TAFA1: variants seen among roughly 807,000 people sequenced by gnomAD.
TAFA1 encodes the protein chemokine-like protein TAFA-1.
In TAFA1, 4 loss-of-function variants were observed where a neutral mutation model predicts 18.5. That is an observed-to-expected ratio of 0.22 (90% confidence interval 0.11 to 0.49). The LOEUF is 0.49. TAFA1 is among the 20% of genes least tolerant of loss of function. The pLI, the probability that TAFA1 is intolerant of heterozygous loss-of-function variation, is 0.98. For synonymous variants in TAFA1, 56 were observed against 55.2 expected (o/e 1.01, Z -0.06); for missense variants, 147 against 169.0 (o/e 0.87, Z 0.72).
intron 3 of TAFA1, among the ~76,000 whole-genome samples, chr3:68,425,506 T>C (rs1263703383): frequency 6.6e-6 from 1 of 151,958 alleles, no homozygotes; most frequent in African/African-American, 2.4e-5. Context: ...GCATGCTTTC[T>C]GAATCTTATG....
chr3:68,087,239 C>A (rs2064981400), intron 2 of TAFA1, among the ~76,000 whole-genome samples: 3 of 151,990 alleles, frequency 2.0e-5, no homozygotes, highest in African/African-American at 7.2e-5. Context: ...GTTGAAAATG[C>A]TGGGAAATAG....
intron 2 of TAFA1, among the ~76,000 whole-genome samples, chr3:68,232,681 C>G (rs2066886147): frequency 6.6e-6 from 1 of 152,056 alleles, no homozygotes; most frequent in African/African-American, 2.4e-5. Flanking sequence ...CCATAACTCA[C>G]TGTAGTCTCA....
intron 3 of TAFA1, among the ~76,000 whole-genome samples, chr3:68,534,281 C>T (rs1438069527): frequency 6.6e-6 from 1 of 152,158 alleles, no homozygotes; most frequent in East Asian, 1.9e-4. Flanking sequence ...ACAGGACCAC[C>T]TTTGCTAGCC....
chr3:68,227,791 C>T (rs980766188), intron 2 of TAFA1, among the ~76,000 whole-genome samples: 3 of 152,130 alleles, frequency 2.0e-5, no homozygotes, highest in African/African-American at 7.2e-5. Context: ...GAATTTATCA[C>T]TCAATATTGG....
At chr3:68,265,465 G>T (rs2067523814) in intron 2 of TAFA1, among the ~76,000 whole-genome samples, 1 of 152,134 alleles carries the variant, frequency 6.6e-6, no homozygotes, top group Non-Finnish European at 1.5e-5. Flanking sequence ...CCAGCTTTTT[G>T]ACTTTTGTCA....
At chr3:68,356,200 C>T (rs973385071) in intron 2 of TAFA1, among the ~76,000 whole-genome samples, 3 of 151,742 alleles carry the variant, frequency 2.0e-5, no homozygotes, top group African/African-American at 7.3e-5. Context: ...AATAAAAAAA[C>T]AATTTGATAT....
chr3:68,536,541 G>A (rs2073281292), intron 3 of TAFA1, among the ~76,000 whole-genome samples: 1 of 152,162 alleles, frequency 6.6e-6, no homozygotes, highest in Non-Finnish European at 1.5e-5. Flanking sequence ...CTGACATTTT[G>A]AGGATTCTGA....
chr3:68,362,979 G>GTTTTTTT (rs1274120257), intron 2 of TAFA1, among the ~76,000 whole-genome samples: 2 of 46,466 alleles, frequency 4.3e-5, no homozygotes, highest in African/African-American at 1.8e-4. Flanking sequence ...TGTCTTGCAG[G>GTTTTTTT]CTTTTTTTTT....
chr3:68,093,982 A>G (rs950016529), intron 2 of TAFA1, among the ~76,000 whole-genome samples: 1 of 152,038 alleles, frequency 6.6e-6, no homozygotes, highest in Non-Finnish European at 1.5e-5. Context: ...CTTTTTGACA[A>G]TGCCTGACTG....
At chr3:68,437,698 C>G (rs1337703910) in intron 3 of TAFA1, among the ~76,000 whole-genome samples, 1 of 151,998 alleles carries the variant, frequency 6.6e-6, no homozygotes, top group Non-Finnish European at 1.5e-5. Flanking sequence ...TCCTTATGAC[C>G]CAATTACCCC....
intron 2 of TAFA1, among the ~76,000 whole-genome samples, chr3:68,272,905 C>A (rs2067702778): frequency 6.6e-6 from 1 of 152,096 alleles, no homozygotes; most frequent in Non-Finnish European, 1.5e-5. Context: ...GCTTTGAATT[C>A]AAATCCCATT....
intron 2 of TAFA1, among the ~76,000 whole-genome samples, chr3:68,174,921 G>A (rs2066104794): frequency 6.6e-6 from 1 of 152,128 alleles, no homozygotes; most frequent in Non-Finnish European, 1.5e-5. Context: ...AAAGTGAGCT[G>A]AACCCAGGGT....
rs529989852 is a variant in TAFA1, at chr3:68,473,436, C to T, written c.259+56016C>T. Among the ~76,000 whole-genome samples, 3 of 152,198 alleles carry T rather than the reference C, an allele frequency of 2.0e-5. No homozygotes were observed. In the South Asian group the frequency reaches 6.2e-4, roughly 32 times the overall value. On this transcript the variant is annotated intron_variant, in intron 3 of 4. Coordinates refer to ENST00000478136, the MANE Select transcript of TAFA1 (RefSeq NM_213609.4). ...GCCTTGCCTCTAGTTGCATAACTTG[C>T]TACATGGGATTCTTGTCTTAACTTT...
At chr3:68,525,752 T>C (rs983311891) in intron 3 of TAFA1, among the ~76,000 whole-genome samples, 2 of 152,222 alleles carry the variant, frequency 1.3e-5, no homozygotes. Flanking sequence ...AGTCTAGTTA[T>C]GTTTTTTGAA....
chr3:68,076,120 G>C (rs2064820265), intron 2 of TAFA1, among the ~76,000 whole-genome samples: 1 of 152,138 alleles, frequency 6.6e-6, no homozygotes, highest in Non-Finnish European at 1.5e-5. Flanking sequence ...TGTTATTTAA[G>C]CATTCTTGGT....
chr3:68,390,590 G>A (rs1252340739), intron 2 of TAFA1, among the ~76,000 whole-genome samples: 1 of 152,192 alleles, frequency 6.6e-6, no homozygotes, highest in Non-Finnish European at 1.5e-5. Flanking sequence ...GTTGACAGGT[G>A]CCTTATACAG....
intron 3 of TAFA1, among the ~76,000 whole-genome samples, chr3:68,424,515 A>G (rs545735002): frequency 5.2e-4 from 79 of 152,070 alleles, no homozygotes; most frequent in African/African-American, 1.8e-3. Flanking sequence ...TTCAAGTGGC[A>G]TTATATGAGA....
chr3:68,370,346 A>G (rs2069663011), intron 2 of TAFA1, among the ~76,000 whole-genome samples: 1 of 84,078 alleles, frequency 1.2e-5, no homozygotes, highest in South Asian at 4.2e-4. Context: ...ATATATATAT[A>G]TATATATACA....
At chr3:68,398,131 G>C (rs1358788080) in intron 2 of TAFA1, among the ~76,000 whole-genome samples, 3 of 152,040 alleles carry the variant, frequency 2.0e-5, no homozygotes, top group Admixed American at 1.3e-4. Flanking sequence ...TAAACAAAAA[G>C]AACAAAGCTG....
Sources: gnomAD v4.1 joint callset for allele counts (sites outside exome capture counted in the v4.1 genomes callset) on GRCh38, gnomAD v4.1.1 for gene constraint, MANE v1.5 for transcripts, NCBI Gene and HGNC (gene_info 2026-07-23, HGNC 2026-07-21) for gene names.